Variants in KCNJ6 observed in about 807,000 individuals in gnomAD.
The protein encoded by KCNJ6 is G protein-activated inward rectifier potassium channel 2.
Under a neutral mutation model 34.2 loss-of-function variants are expected in KCNJ6, and 9 were observed. The ratio of observed to expected loss-of-function variants is 0.26; its 90% CI spans 0.16 to 0.46. KCNJ6 has a LOEUF of 0.46. KCNJ6 is among the 20% of genes least tolerant of loss of function. The pLI, the probability that KCNJ6 is intolerant of heterozygous loss-of-function variation, is 1.00. For missense variants in KCNJ6, 236 were observed against 531.3 expected, an observed-to-expected ratio of 0.44 and a Z score of 5.46; for synonymous variants, 196 against 207.1, an observed-to-expected ratio of 0.95 and a Z score of 0.46.
intron 3 of KCNJ6, among the ~76,000 whole-genome samples, chr21:37,709,612 G>A (rs2054740625): frequency 6.6e-6 from 1 of 152,168 alleles, no homozygotes; most frequent in Non-Finnish European, 1.5e-5. Flanking sequence ...TGGTGCAAAG[G>A]GCACTGAACA....
At position 37,610,118 on chromosome 21, in the gene KCNJ6, C is replaced by G. The variant is rs897707553; in HGVS notation, c.*15041G>C. ...AAGGGAATCAGTTAAATGATGAAAA[C>G]AGCTGAGACTTAAAGCTGAACCATC... On this transcript the variant is annotated 3_prime_UTR_variant, in exon 4 of 4. Transcript: ENST00000609713. 4.6e-5 allele frequency: 7 copies of G among 152,178 alleles called. No homozygotes were observed. The highest frequency in any genetic ancestry group is 1.7e-4 in the African/African-American group (7 of 41,412). The allele number at this position is 152,178 out of a possible 1,614,324, so 9.4% of individuals were successfully genotyped here.
At chr21:37,833,004 C>T (rs548814498) in intron 2 of KCNJ6, among the ~76,000 whole-genome samples, 9 of 125,446 alleles carry the variant, frequency 7.2e-5, no homozygotes, top group Admixed American at 2.7e-4. Context: ...TCTGGCTTCT[C>T]GGCATTTCTT....
In KCNJ6 at chr21:37,756,297, C is replaced by A. The variant is rs150215550; in HGVS notation, c.26-41166G>T. ...ATTCATTCCATGTCAGAAACAAATG[C>A]CTGGATATTCCTTTATGATAAACCT... On this transcript the variant is annotated intron_variant, in intron 2 of 3. Transcript: ENST00000609713. Among the ~76,000 whole-genome samples, 537 of 152,322 alleles carry A rather than the reference C, an allele frequency of 3.5e-3. 1 individual carries two copies. The highest frequency in any genetic ancestry group is 5.6e-3 in the Admixed American group (86 of 15,306).
intron 3 of KCNJ6, among the ~76,000 whole-genome samples, chr21:37,711,872 T>TG (rs750356712): frequency 1.5e-3 from 232 of 150,332 alleles, no homozygotes; most frequent in Non-Finnish European, 2.6e-3. Context: ...TTCCCAGGGA[T>TG]GGGGTGAGCG....
At chr21:37,765,481 G>A (rs1251011971) in intron 2 of KCNJ6, among the ~76,000 whole-genome samples, 2 of 152,298 alleles carry the variant, frequency 1.3e-5, no homozygotes, top group South Asian at 4.2e-4. Flanking sequence ...GGAGGCCAGG[G>A]AGGCTGTTAA....
chr21:37,724,641 A>C (rs1569452581), intron 2 of KCNJ6, among the ~76,000 whole-genome samples: 1 of 152,128 alleles, frequency 6.6e-6, no homozygotes, highest in Non-Finnish European at 1.5e-5. Context: ...TGGATTTTGG[A>C]TGGCAGAGGA....
At chr21:37,845,928 C>A (rs1256247568) in intron 1 of KCNJ6, among the ~76,000 whole-genome samples, 1 of 151,992 alleles carries the variant, frequency 6.6e-6, no homozygotes, top group South Asian at 2.1e-4. Context: ...CACTTAAAGT[C>A]GTATTGTTGT....
intron 1 of KCNJ6, among the ~76,000 whole-genome samples, chr21:37,862,380 C>T (rs1386983552): frequency 6.6e-6 from 1 of 152,236 alleles, no homozygotes; most frequent in Non-Finnish European, 1.5e-5. Context: ...CACCTTTATA[C>T]ACACAGGCAT....
intron 1 of KCNJ6, among the ~76,000 whole-genome samples, chr21:37,893,632 C>CTT (rs550634250): frequency 5.7e-5 from 8 of 139,572 alleles, no homozygotes; most frequent in Admixed American, 2.9e-4. Flanking sequence ...CTGGAGAAGC[C>CTT]TTTTTTTTTT....
chr21:37,868,586 C>T (rs1228298891), intron 1 of KCNJ6, among the ~76,000 whole-genome samples: 9 of 152,098 alleles, frequency 5.9e-5, no homozygotes, highest in African/African-American at 1.7e-4. Context: ...AAATATAAAT[C>T]GAACTTGAAA....
chr21:37,710,024 A>C (rs1286848976), intron 3 of KCNJ6, among the ~76,000 whole-genome samples: 1 of 152,128 alleles, frequency 6.6e-6, no homozygotes, highest in East Asian at 1.9e-4. Flanking sequence ...GCAGTATTTA[A>C]ATCTTTCAGA....
At chr21:37,804,200 A>AGG (rs2055282755) in intron 2 of KCNJ6, among the ~76,000 whole-genome samples, 1 of 152,188 alleles carries the variant, frequency 6.6e-6, no homozygotes, top group Admixed American at 6.5e-5. Flanking sequence ...AGTGTTGACA[A>AGG]GGATGTGGGG....
At chr21:37,797,320 G>C (rs1302461099) in intron 2 of KCNJ6, among the ~76,000 whole-genome samples, 2 of 152,198 alleles carry the variant, frequency 1.3e-5, no homozygotes, top group African/African-American at 4.8e-5. Flanking sequence ...CAAAGCACTG[G>C]GATTACAAGG....
Position 37,723,089 on chromosome 21 carries a change from AAAC to A in KCNJ6, c.26-7961_26-7959del, listed in dbSNP as rs1453811234. Among the ~76,000 whole-genome samples the A allele has an allele frequency of 4.6e-5, 7 of 152,338 alleles. No individual in the cohort carries two copies. In the East Asian group the frequency reaches 1.2e-3, roughly 25 times the overall value. ...AAAGGAATTTAATTTAACAAGGAAA[AAAC>A]AACCCCATTAACAAGTGGGCAACAG... On this transcript the variant is annotated intron_variant, in intron 2 of 3. Coordinates refer to ENST00000609713, the MANE Select transcript of KCNJ6 (RefSeq NM_002240.5).
intron 1 of KCNJ6, among the ~76,000 whole-genome samples, chr21:37,896,496 G>A (rs891160857): frequency 1.3e-5 from 2 of 152,198 alleles, no homozygotes; most frequent in African/African-American, 4.8e-5. Flanking sequence ...GGGTTCGGCT[G>A]TGTCTTTGCT....
At chr21:37,769,329 C>A (rs370153406) in intron 2 of KCNJ6, among the ~76,000 whole-genome samples, 1 of 152,056 alleles carries the variant, frequency 6.6e-6, no homozygotes, top group Non-Finnish European at 1.5e-5. Flanking sequence ...ATACCCCCCA[C>A]CCCTTTTAGT....
chr21:37,615,244 C>CTTTTTTTTTT lies in KCNJ6; in HGVS notation c.*9905_*9914dup, dbSNP rs1156939747. On this transcript the variant is annotated 3_prime_UTR_variant, in exon 4 of 4. Transcript: ENST00000609713. ...ACCCTCGACTGACATTCCCAGCATT[C>CTTTTTTTTTT]TTTTTTTTTTTTTTTTTTTTTTTTT... 2.0e-5 allele frequency: 2 copies of CTTTTTTTTTT among 98,890 alleles called. No individual in the cohort carries two copies. The highest frequency in any genetic ancestry group is 7.9e-5 in the African/African-American group (2 of 25,164). The allele number at this position is 98,890 out of a possible 1,614,324, so 6.1% of individuals were successfully genotyped here. A position where few individuals can be genotyped will look rare whatever the true frequency, so the allele number is the denominator to read the frequency against.
intron 1 of KCNJ6, among the ~76,000 whole-genome samples, chr21:37,905,861 T>G (rs1601525492): frequency 6.6e-6 from 1 of 152,206 alleles, no homozygotes; most frequent in South Asian, 2.1e-4. Context: ...ATTCTGGACA[T>G]AGCTATGAAG....
chr21:37,902,175 G>C (rs1336242671), intron 1 of KCNJ6, among the ~76,000 whole-genome samples: 1 of 152,236 alleles, frequency 6.6e-6, no homozygotes, highest in East Asian at 1.9e-4. Context: ...GTCAATACAG[G>C]AAGACCAGAA....
Sources: gnomAD v4.1 joint callset for allele counts (sites outside exome capture counted in the v4.1 genomes callset) on GRCh38, gnomAD v4.1.1 for gene constraint, MANE v1.5 for transcripts, NCBI Gene and HGNC (gene_info 2026-07-23, HGNC 2026-07-21) for gene names.